DVL1: variants seen among roughly 807,000 people sequenced by gnomAD.
The protein encoded by DVL1 is segment polarity protein dishevelled homolog DVL-1.
In DVL1, 49 loss-of-function variants were observed where a neutral mutation model predicts 65.0. The ratio of observed to expected loss-of-function variants is 0.75; its 90% CI spans 0.60 to 0.96. The LOEUF (loss-of-function observed/expected upper bound fraction) is 0.96, where lower values mean the gene tolerates loss of function less well. Ranked by LOEUF, DVL1 falls within the 40% of genes least tolerant of loss-of-function variation. DVL1 has a pLI of 0.00. For missense variants in DVL1, 1,197 were observed against 1,045.4 expected (o/e 1.15, Z -2.00); for synonymous variants, 608 against 433.9 (o/e 1.40, Z -4.99).
rs527715556 is a variant in DVL1 at position 1,341,077 on chromosome 1, AC to A, written c.606-575del. 4.1e-3 allele frequency among the ~76,000 whole-genome samples: 608 copies of A among 146,558 alleles called. 1 individual carries two copies. The highest frequency in any genetic ancestry group is 7.5e-3 in the Non-Finnish European group (506 of 67,180). ...CACACATGCACACCTGCACACACGC[AC>A]CCCTGCACACAGGCACACCTGCACA... On this transcript the variant is annotated intron_variant, in intron 5 of 14. Coordinates refer to ENST00000378888, the MANE Select transcript of DVL1 (RefSeq NM_001330311.2).
chr1:1,339,558 C>G, intron 10 of DVL1, 24 bp downstream of exon 10: 1 of 1,592,648 alleles, frequency 6.3e-7, no homozygotes, highest in Non-Finnish European at 8.5e-7. Context: ...CCATCCCGCC[C>G]CGTGTGCCCC....
intron 5 of DVL1, among the ~76,000 whole-genome samples, chr1:1,341,114 C>T (rs144649667): frequency 8.0e-5 from 12 of 150,396 alleles, no homozygotes; most frequent in East Asian, 6.0e-4. Flanking sequence ...CACCTGCACA[C>T]GCACGCCTGC....
rs1432192432 is a variant in DVL1 at position 1,349,208 on chromosome 1, C to T, written c.-143G>A. 1.6e-5 allele frequency: 6 copies of T among 385,240 alleles called. No individual in the cohort carries two copies. The South Asian group carries it at 4.0e-4, about 26-fold the overall frequency. The allele number at this position is 385,240 out of a possible 1,614,324, so 23.9% of individuals were successfully genotyped here. A position where few individuals can be genotyped will look rare whatever the true frequency, so the allele number is the denominator to read the frequency against. ...CTCCGAGGCCCCCGGGCGCCCCCGC[C>T]CGACCGCCCAGGCCCCGGCCGCCGC... is the stretch of plus-strand genomic sequence containing the variant. On this transcript the variant is annotated 5_prime_UTR_variant, in exon 1 of 15. Coordinates refer to ENST00000378888, the MANE Select transcript of DVL1 (RefSeq NM_001330311.2). The surrounding 1 kb of genome is among the most constrained non-coding windows in gnomAD (Gnocchi z 4.1).
rs377640488 is a variant in DVL1, at chr1:1,341,146, C to G, written c.605+521G>C. Reference sequence around the variant, plus strand: ...CTGCACATGCACACCTGCACGCACACCTTCACATACACCTGTACAAGCACA... The same window carrying G: ...CTGCACATGCACACCTGCACGCACAGCTTCACATACACCTGTACAAGCACA... On this transcript the variant is annotated intron_variant, in intron 5 of 14. Transcript: ENST00000378888. Among the ~76,000 whole-genome samples, 34 of 150,526 alleles carry G rather than the reference C, an allele frequency of 2.3e-4. No homozygotes were observed. In the East Asian group the frequency reaches 3.4e-3, roughly 15 times the overall value.
rs1297760076 is a variant in DVL1, at chr1:1,340,955, G to A, written c.606-452C>T. 2.5e-5 allele frequency among the ~76,000 whole-genome samples: 3 copies of A among 121,822 alleles called. No individual in the cohort carries two copies. In the Admixed American group the frequency reaches 2.7e-4, roughly 11 times the overall value. The allele number at this position is 121,822 out of a possible 152,430, so 79.9% of individuals were successfully genotyped here. On this transcript the variant is annotated intron_variant, in intron 5 of 14. Coordinates refer to ENST00000378888, the MANE Select transcript of DVL1 (RefSeq NM_001330311.2). ...TGCACACCTGCACACACGCACCCCT[G>A]CACACTACACACCTGCACAGGCACA... is the stretch of plus-strand genomic sequence containing the variant.
At chr1:1,344,015 T>C (rs1643883887) in intron 1 of DVL1, among the ~76,000 whole-genome samples, 1 of 151,904 alleles carries the variant, frequency 6.6e-6, no homozygotes, top group Non-Finnish European at 1.5e-5. Flanking sequence ...TGACCCGAGC[T>C]CAGAGTTCAG....
At chr1:1,348,347 G>A (rs1465342681) in intron 1 of DVL1, among the ~76,000 whole-genome samples, 2 of 152,212 alleles carry the variant, frequency 1.3e-5, no homozygotes, top group East Asian at 1.9e-4. Flanking sequence ...AGGAAGCTCA[G>A]GACACGGGTA....
rs529966588 is a variant in DVL1, at chr1:1,342,249, C to T, written c.363-93G>A. The T allele has an allele frequency of 6.3e-5, 94 of 1,497,238 alleles. 1 individual carries two copies. In the South Asian group the frequency reaches 1.2e-3, roughly 18 times the overall value. 92.7% of individuals were successfully genotyped at this position (1,497,238 alleles called of 1,614,324 possible). ...CCTCCCCTCGCCTGTGGGACCCCAG[C>T]CCCAGCAGGTGCCACGCCCGCCTAC... is the stretch of plus-strand genomic sequence containing the variant. On this transcript the variant is annotated intron_variant, in intron 3 of 14. Transcript: ENST00000378888.
chr1:1,338,018 A>G lies in DVL1; in HGVS notation c.1673T>C (p.Phe558Ser), dbSNP rs752368823. The change falls in exon 14 of 15, where the codon TTT becomes TCT. Residue 558 changes from phenylalanine (F) to serine (S), a missense_variant. Phe to Ser is a radical substitution (Grantham distance 155). Coordinates refer to ENST00000378888, the MANE Select transcript of DVL1 (RefSeq NM_001330311.2). Reference sequence around the variant, plus strand: ...CCCGGTGCTGCCGCTGCCATAGCTAAAGCCCGGGTCCTGGTAGGCAGGCGG... The same window carrying G: ...CCCGGTGCTGCCGCTGCCATAGCTAGAGCCCGGGTCCTGGTAGGCAGGCGG... The part of the protein sequence containing the change: ...CFPPAYQDPG[F>S]SYGSGSTGSQ... The G allele has an allele frequency of 3.7e-6, 6 of 1,611,972 alleles. No individual in the cohort carries two copies. The South Asian group carries it at 6.6e-5, about 18-fold the overall frequency.
In DVL1 at chr1:1,338,408, T is replaced by G; in HGVS notation, c.1368A>C (p.Thr456=). 1 of 1,612,524 alleles carries G rather than the reference T, an allele frequency of 6.2e-7. No homozygotes were observed. Among genetic ancestry groups the G allele is most frequent in the Non-Finnish European group, 8.5e-7 (1 of 1,179,812 alleles). The change falls in exon 13 of 15, where the codon ACA becomes ACC. Residue 456 remains threonine, a synonymous_variant. Transcript: ENST00000378888. ...IGADVVDWLY[T]HVEGFKERRE... is the part of the protein sequence containing the mutation. ...GCCGCTCCTTGAAGCCCTCCACGTGTGTGTACAGCCAGTCCACCACGTCCG... is the reference window on the plus strand; with the variant it reads ...GCCGCTCCTTGAAGCCCTCCACGTGGGTGTACAGCCAGTCCACCACGTCCG...
chr1:1,339,440 C>T lies in DVL1; in HGVS notation c.1055-1G>A, dbSNP rs1258310673. ...GGGTCGATGGGCCGCACCGGGTCAG[C>T]TGGGTGGCCGCCACGTGGCGATGAC... On this transcript the variant is annotated splice_acceptor_variant, in intron 10 of 14. Transcript: ENST00000378888. LOFTEE classifies it high-confidence loss of function. The T allele has an allele frequency of 7.1e-7, 1 of 1,406,920 alleles. No individual in the cohort carries two copies. The highest frequency in any genetic ancestry group is 1.5e-5 in the African/African-American group (1 of 68,582). The allele number at this position is 1,406,920 out of a possible 1,614,324, so 87.2% of individuals were successfully genotyped here. A position where few individuals can be genotyped will look rare whatever the true frequency, so the allele number is the denominator to read the frequency against.
At position 1,338,306 on chromosome 1, in the gene DVL1, G is replaced by C. The variant is rs149343423; in HGVS notation, c.1470C>G (p.Ser490=). Residue 490 remains serine, a synonymous_variant, in exon 13 of 15, where the codon TCC becomes TCG. Coordinates refer to ENST00000378888, the MANE Select transcript of DVL1 (RefSeq NM_001330311.2). ...CCCCGAAGACGTAGTAGCACTGCTCGGAGAAGGTGATCTTGTTGACCGTGT... is the reference window on the plus strand; with the variant it reads ...CCCCGAAGACGTAGTAGCACTGCTCCGAGAAGGTGATCTTGTTGACCGTGT... ...LRHTVNKITF[S]EQCYYVFGDL... is the part of the protein sequence containing the mutation. 605 of 1,608,252 alleles carry C rather than the reference G, an allele frequency of 3.8e-4. 1 individual carries two copies. The highest frequency in any genetic ancestry group is 4.1e-4 in the Non-Finnish European group (486 of 1,178,758).
rs777373138 is a variant in DVL1 at position 1,339,569 on chromosome 1, G to T, written c.1054+13C>A. The T allele has an allele frequency of 2.5e-6, 4 of 1,598,434 alleles. No homozygotes were observed. In the South Asian group the frequency reaches 4.5e-5, roughly 18 times the overall value. On this transcript the variant is annotated intron_variant, in intron 10 of 14. Transcript: ENST00000378888. ...CTCCCCATCCCGCCCCGTGTGCCCC[G>T]AGGGCCACTCACCCCGTGGGACGGT...
intron 1 of DVL1, among the ~76,000 whole-genome samples, chr1:1,347,725 C>A (rs1643938917): frequency 6.6e-6 from 1 of 152,204 alleles, no homozygotes; most frequent in African/African-American, 2.4e-5. Flanking sequence ...GAGCCCGGAC[C>A]AGACTCAGAA....
chr1:1,338,338 G>T lies in DVL1; in HGVS notation c.1438C>A (p.Leu480Met). ...YASSLLKHGFLRHTVNKITFS... is the reference protein window; with the variant it reads ...YASSLLKHGFMRHTVNKITFS... ...GTGATCTTGTTGACCGTGTGCCGCA[G>T]GAAGCCGTGCTTCAGCAAGCTGCTG... is the stretch of plus-strand genomic sequence containing the variant. The change falls in exon 13 of 15, where the codon CTG becomes ATG. Residue 480 changes from leucine (L) to methionine (M), a missense_variant. Leu to Met is a conservative substitution (Grantham distance 15). Coordinates refer to ENST00000378888, the MANE Select transcript of DVL1 (RefSeq NM_001330311.2). 1.2e-6 allele frequency: 2 copies of T among 1,611,970 alleles called. No individual in the cohort carries two copies. The highest frequency in any genetic ancestry group is 1.7e-6 in the Non-Finnish European group (2 of 1,179,620).
Position 1,341,723 on chromosome 1 carries a change from G to C in DVL1, c.549C>G (p.Ser183Arg). Residue 183 changes from serine (S) to arginine (R), a missense_variant, in exon 5 of 15, where the codon AGC (serine) becomes AGG (arginine). Transcript: ENST00000378888. Reference sequence around the variant, plus strand: ...CAAAGCTGCTGGACTCAAGCTCGCTGCTGAGGGCGGTGGACGCGCTGTCTG... The same window carrying C: ...CAAAGCTGCTGGACTCAAGCTCGCTCCTGAGGGCGGTGGACGCGCTGTCTG... ...LPPDSASTAL[S>R]SELESSSFVD... 6.2e-7 allele frequency: 1 copy of C among 1,611,460 alleles called. No individual in the cohort carries two copies. Among genetic ancestry groups the C allele is most frequent in the Non-Finnish European group, 8.5e-7 (1 of 1,179,000 alleles).
At chr1:1,347,717 G>A (rs971392842) in intron 1 of DVL1, among the ~76,000 whole-genome samples, 5 of 152,242 alleles carry the variant, frequency 3.3e-5, no homozygotes. Flanking sequence ...CTGGGGAGGA[G>A]CCCGGACCAG....
intron 1 of DVL1, 158 bp from the exon 2 acceptor site, chr1:1,342,916 C>T (rs978522363): frequency 2.4e-5 from 6 of 249,582 alleles, no homozygotes; most frequent in Non-Finnish European, 3.8e-5. Flanking sequence ...CCTTCCTCTC[C>T]GTCACATCCT....
chr1:1,337,208 G>A (rs1046815761), intron 14 of DVL1: 20 of 505,122 alleles, frequency 4.0e-5, no homozygotes, highest in Non-Finnish European at 4.3e-5. Flanking sequence ...GACACCCAGC[G>A]TGGCTTCTCT....
Sources: gnomAD v4.1 joint callset for allele counts (sites outside exome capture counted in the v4.1 genomes callset) on GRCh38, gnomAD v4.1.1 for gene constraint, Gnocchi (gnomAD v3.1) non-coding constraint, MANE v1.5 for transcripts, NCBI Gene and HGNC (gene_info 2026-07-23, HGNC 2026-07-21) for gene names.